The following KANK1 variants were observed in gnomAD, a reference collection of about 807,000 sequenced individuals.
The protein encoded by KANK1 is KN motif and ankyrin repeat domains 1, also known as KN motif and ankyrin repeat domain-containing protein 1.
A neutral mutation model predicts 106.2 loss-of-function variants in KANK1; 109 were observed. That is an observed-to-expected ratio of 1.03 (90% CI 0.88 to 1.20). The LOEUF (loss-of-function observed/expected upper bound fraction) is 1.20, where lower values mean the gene tolerates loss of function less well. Among genes scored for constraint, KANK1 ranks in the 50% most tolerant of loss-of-function variants. The pLI is 0.00. For missense variants in KANK1, 2,399 were observed against 1,710.7 expected (o/e 1.40, Z -7.10); for synonymous variants, 873 against 652.2 (o/e 1.34, Z -5.16).
At chr9:612,088 T>G (rs942760473) in intron 1 of KANK1, among the ~76,000 whole-genome samples, 7 of 152,200 alleles carry the variant, frequency 4.6e-5, no homozygotes, top group Admixed American at 4.6e-4. Context: ...TGGCTTTCAT[T>G]TGCATAATGA....
chr9:668,668 T>C (rs1845221725), intron 1 of KANK1, among the ~76,000 whole-genome samples: 1 of 152,164 alleles, frequency 6.6e-6, no homozygotes, highest in Admixed American at 6.5e-5. Context: ...ACCATGAGGC[T>C]TATAGAAAAC....
At chr9:677,821 A>G (rs1256173976) in intron 2 of KANK1, among the ~76,000 whole-genome samples, 1 of 152,198 alleles carries the variant, frequency 6.6e-6, no homozygotes, top group Non-Finnish European at 1.5e-5. Context: ...TACTGGAGCA[A>G]GTGTAGAATT....
Position 684,394 on chromosome 9 carries a change from C to G in KANK1, c.37+7385C>G, listed in dbSNP as rs556038705. 8.1e-6 allele frequency: 8 copies of G among 985,126 alleles called. No homozygotes were observed. In the African/African-American group the frequency reaches 1.2e-4, roughly 15 times the overall value. The allele number at this position is 985,126 out of a possible 1,614,324, so 61.0% of individuals were successfully genotyped here. On this transcript the variant is annotated intron_variant, in intron 2 of 11. Coordinates refer to ENST00000382297, the MANE Select transcript of KANK1 (RefSeq NM_015158.5). The stretch of plus-strand genomic sequence containing the variant: ...CTGGTACCAACTTTATAGGTGCCAA[C>G]AAGAAAGAAAGAAAAAAACACATAC...
At chr9:686,961 C>G (rs898309780) in intron 2 of KANK1, 1 of 983,670 alleles carries the variant, frequency 1.0e-6, no homozygotes, top group Non-Finnish European at 1.2e-6. Flanking sequence ...CCTCTGGGCT[C>G]TTATCCTTTG....
chr9:528,735 G>A (rs1047111389), intron 1 of KANK1, among the ~76,000 whole-genome samples: 3 of 151,866 alleles, frequency 2.0e-5, no homozygotes, highest in Admixed American at 6.6e-5. Context: ...TGATCCAGCC[G>A]CCTCGGCCTC....
At chr9:602,973 A>AC (rs1388577227) in intron 1 of KANK1, among the ~76,000 whole-genome samples, 1 of 151,876 alleles carries the variant, frequency 6.6e-6, no homozygotes, top group East Asian at 1.9e-4. Context: ...TATCATAGTT[A>AC]CAAATCATAT....
rs1836998629 is a variant in KANK1 at position 745,703 on chromosome 9, T to G, written c.*468T>G. ...TTTAAAATAAGGAAGTCGAGATGAC[T>G]TTGATCATTGGTAACTTGGGCCTGG... On this transcript the variant is annotated 3_prime_UTR_variant, in exon 12 of 12. Coordinates refer to ENST00000382297, the MANE Select transcript of KANK1 (RefSeq NM_015158.5). 6.6e-6 allele frequency: 1 copy of G among 152,592 alleles called. No individual in the cohort carries two copies. Among genetic ancestry groups the G allele is most frequent in the African/African-American group, 2.4e-5 (1 of 41,480 alleles). 9.5% of individuals were successfully genotyped at this position (152,592 alleles called of 1,614,324 possible). A position where few individuals can be genotyped will look rare whatever the true frequency, so the allele number is the denominator to read the frequency against.
intron 2 of KANK1, chr9:684,416 A>C: frequency 2.0e-6 from 2 of 985,446 alleles, no homozygotes; most frequent in South Asian, 9.4e-5. Flanking sequence ...AAAAAAACAC[A>C]TACAAAATAA....
Position 632,703 on chromosome 9 carries a change from T to C in KANK1, c.-83-44187T>C, listed in dbSNP as rs185475215. ...GTGGTGTTTTGTTTTGTTTTGTTTT[T>C]CTTTGAGATGGAGTCTCTCTCTGTT... is the stretch of plus-strand genomic sequence containing the variant. On this transcript the variant is annotated intron_variant, in intron 1 of 11. Coordinates refer to ENST00000382297, the MANE Select transcript of KANK1 (RefSeq NM_015158.5). 2.2e-4 allele frequency among the ~76,000 whole-genome samples: 34 copies of C among 152,250 alleles called. No homozygotes were observed. In the East Asian group the frequency reaches 5.2e-3, roughly 23 times the overall value.
At chr9:639,764 G>A (rs757642672) in intron 1 of KANK1, among the ~76,000 whole-genome samples, 1 of 152,154 alleles carries the variant, frequency 6.6e-6, no homozygotes, top group Non-Finnish European at 1.5e-5. Context: ...TAAATTTATT[G>A]CTCACAGTTC....
intron 1 of KANK1, among the ~76,000 whole-genome samples, chr9:608,206 T>G (rs960439825): frequency 6.7e-6 from 1 of 149,668 alleles, no homozygotes; most frequent in African/African-American, 2.5e-5. Context: ...CCCGGCTAAT[T>G]TTTTGTATTT....
At chr9:715,070 C>T (rs112639116) in intron 3 of KANK1, among the ~76,000 whole-genome samples, 3,514 of 152,168 alleles carry the variant, frequency 0.023, 132 homozygotes, top group African/African-American at 0.08. Flanking sequence ...TTATATCTTC[C>T]TAGGTTTCCA....
Position 667,657 on chromosome 9 carries a change from T to A in KANK1, c.-83-9233T>A, listed in dbSNP as rs1844939229. Among the ~76,000 whole-genome samples the A allele has an allele frequency of 5.9e-5, 9 of 152,224 alleles. No homozygotes were observed. The South Asian group carries it at 1.9e-3, about 32-fold the overall frequency. ...ATTTGTTTTGAGAAATTTTTAAATG[T>A]TCTTATTTCTTCATCAACTCATTGT... On this transcript the variant is annotated intron_variant, in intron 1 of 11. Coordinates refer to ENST00000382297, the MANE Select transcript of KANK1 (RefSeq NM_015158.5).
In KANK1 at chr9:712,806, G is replaced by C. The variant is rs775798609; in HGVS notation, c.2040G>C (p.Val680=). 3.7e-5 allele frequency: 59 copies of C among 1,613,664 alleles called. No individual in the cohort carries two copies. Among genetic ancestry groups the C allele is most frequent in the Non-Finnish European group, 4.9e-5 (58 of 1,179,892 alleles). ...DQDTSTDLEQ[V]HQFTNTETAT... is the part of the protein sequence containing the mutation. ...ACACTAGCACAGATTTGGAACAGGT[G>C]CACCAGTTCACCAACACCGAGACGG... The change falls in exon 3 of 12, where the codon GTG becomes GTC. Residue 680 remains valine, a synonymous_variant. Transcript: ENST00000382297.
chr9:730,698 T>C, intron 4 of KANK1: 1 of 190,724 alleles, frequency 5.2e-6, no homozygotes, highest in Non-Finnish European at 1.1e-5. Flanking sequence ...GTCTCAAAAT[T>C]ACGAAAGAAA....
In KANK1 at chr9:671,623, A is replaced by AAAAAAAAAG. The variant is rs79437342; in HGVS notation, c.-83-5263_-83-5262insAAAAGAAAA. Among the ~76,000 whole-genome samples, 2 of 103,636 alleles carry AAAAAAAAAG rather than the reference A, an allele frequency of 1.9e-5. 1 individual carries two copies. Among genetic ancestry groups the AAAAAAAAAG allele is most frequent in the Non-Finnish European group, 3.6e-5 (2 of 55,872 alleles). 68.0% of individuals were successfully genotyped at this position (103,636 alleles called of 152,430 possible). A position where few individuals can be genotyped will look rare whatever the true frequency, so the allele number is the denominator to read the frequency against. ...AGAGCGAAACTCCGTCTCAAAAAAA[A>AAAAAAAAAG]AAAAGAGTGTACTGGTTAAGTACTG... On this transcript the variant is annotated intron_variant, in intron 1 of 11. Coordinates refer to ENST00000382297, the MANE Select transcript of KANK1 (RefSeq NM_015158.5).
At chr9:593,291 G>A (rs953898799) in intron 1 of KANK1, among the ~76,000 whole-genome samples, 11 of 151,760 alleles carry the variant, frequency 7.2e-5, no homozygotes, top group African/African-American at 2.4e-4. Context: ...AAAGTCAGAT[G>A]TGCCCATTCT....
chr9:697,620 A>G (rs1303491216), intron 2 of KANK1, among the ~76,000 whole-genome samples: 2 of 152,112 alleles, frequency 1.3e-5, no homozygotes, highest in African/African-American at 2.4e-5. Context: ...TAATTGGTCC[A>G]TGGTGATTTT....
At chr9:709,818 T>C (rs775083911) in intron 2 of KANK1, among the ~76,000 whole-genome samples, 1 of 152,074 alleles carries the variant, frequency 6.6e-6, no homozygotes, top group Non-Finnish European at 1.5e-5. Context: ...TTTTACCACG[T>C]GTTGGCCAGG....
Sources: allele counts gnomAD v4.1 joint callset (sites outside exome capture counted in the v4.1 genomes callset), GRCh38; gene constraint gnomAD v4.1.1; transcripts MANE v1.5; gene names NCBI Gene and HGNC (gene_info 2026-07-23, HGNC 2026-07-21).